The following ZNF710 variants were observed in gnomAD, a reference collection of about 807,000 sequenced individuals.
The protein encoded by ZNF710 is zinc finger protein 710.
In ZNF710, 13 loss-of-function variants were observed where a neutral mutation model predicts 50.6. The observed-to-expected ratio is 0.26, with a 90% CI of 0.17 to 0.41. The LOEUF is 0.41. Ranked by LOEUF, ZNF710 falls within the 10% of genes least tolerant of loss-of-function variation. The pLI is 1.00. For missense variants in ZNF710, 721 were observed against 936.6 expected, an observed-to-expected ratio of 0.77 and a Z score of 3.01; for synonymous variants, 383 against 397.0, an observed-to-expected ratio of 0.96 and a Z score of 0.42.
At position 90,070,983 on chromosome 15, in the gene ZNF710, C is replaced by A. The variant is rs528883143; in HGVS notation, c.1459-2088C>A. ...GGACTTAAAAATCCCAAGTCCAGGG[C>A]CTGGCACAGTGGCTCACGCCTGTAA... On this transcript the variant is annotated intron_variant, in intron 2 of 4. Transcript: ENST00000268154. Among the ~76,000 whole-genome samples the A allele has an allele frequency of 2.0e-3, 305 of 152,284 alleles. 3 individuals carry two copies. Among genetic ancestry groups the A allele is most frequent in the Non-Finnish European group, 3.6e-3 (242 of 68,026 alleles).
rs142227389 is a variant in ZNF710, at chr15:90,020,378, C to T, written c.-29+18764C>T. On this transcript the variant is annotated intron_variant, in intron 1 of 4. Coordinates refer to ENST00000268154, the MANE Select transcript of ZNF710 (RefSeq NM_198526.4). ...GCTCTGCTACCAACGCCCCTGCACC[C>T]TTCCGTCCAGGCAGGGCTGTCCCAG... 5.7e-4 allele frequency among the ~76,000 whole-genome samples: 87 copies of T among 152,332 alleles called. No individual in the cohort carries two copies. In the East Asian group the frequency reaches 0.016, roughly 29 times the overall value.
chr15:90,006,642 A>G (rs886367340), intron 1 of ZNF710: 9 of 153,024 alleles, frequency 5.9e-5, no homozygotes, highest in African/African-American at 2.2e-4. Flanking sequence ...AAGAAAGGAC[A>G]TTTAAATAGC....
intron 1 of ZNF710, among the ~76,000 whole-genome samples, chr15:90,008,743 T>G (rs900939651): frequency 6.6e-6 from 1 of 151,244 alleles, no homozygotes. Flanking sequence ...ATGGCCTCAG[T>G]GTACTCCAGC....
chr15:90,015,932 T>C (rs999258279), intron 1 of ZNF710, among the ~76,000 whole-genome samples: 1 of 152,110 alleles, frequency 6.6e-6, no homozygotes, highest in African/African-American at 2.4e-5. Context: ...TTCTGTGCAG[T>C]TGTAATAAAG....
chr15:90,082,070 T>C lies in ZNF710; in HGVS notation c.*2241T>C, dbSNP rs1458942355. ...GGACAAATTCCATTCTAACTTATTT[T>C]GACATGTATACAAACCAACTGTTTA... On this transcript the variant is annotated 3_prime_UTR_variant, in exon 5 of 5. Transcript: ENST00000268154. 4.6e-5 allele frequency: 7 copies of C among 152,272 alleles called. No homozygotes were observed. The highest frequency in any genetic ancestry group is 2.6e-4 in the Admixed American group (4 of 15,288). The allele number at this position is 152,272 out of a possible 1,614,324, so 9.4% of individuals were successfully genotyped here.
chr15:90,050,335 G>C (rs1899600187), intron 1 of ZNF710, among the ~76,000 whole-genome samples: 1 of 152,172 alleles, frequency 6.6e-6, no homozygotes, highest in African/African-American at 2.4e-5. Flanking sequence ...TTGTGCCCAG[G>C]CCATACTCTT....
intron 1 of ZNF710, among the ~76,000 whole-genome samples, chr15:90,026,285 A>C (rs994211381): frequency 1.5e-5 from 2 of 137,028 alleles, no homozygotes; most frequent in Admixed American, 7.1e-5. Flanking sequence ...AAAAAAAGGG[A>C]ATGAGAAAGG....
intron 1 of ZNF710, among the ~76,000 whole-genome samples, chr15:90,039,533 G>A (rs372978177): frequency 3.3e-5 from 5 of 152,140 alleles, no homozygotes; most frequent in East Asian, 1.9e-4. Flanking sequence ...GATCCAATAC[G>A]TGCTTGGCTG....
intron 1 of ZNF710, among the ~76,000 whole-genome samples, chr15:90,050,287 G>A (rs12909164): frequency 0.2 from 30,692 of 152,206 alleles, 3,779 homozygotes; most frequent in East Asian, 0.61. Flanking sequence ...TGGAGGCCCA[G>A]GGAGGAGTCA....
chr15:90,037,363 C>G (rs868723484), intron 1 of ZNF710, among the ~76,000 whole-genome samples: 2 of 152,170 alleles, frequency 1.3e-5, no homozygotes, highest in African/African-American at 4.8e-5. Context: ...GGAGGGCTTT[C>G]GAAAGTGTCA....
Position 90,049,364 on chromosome 15 carries a change from C to T in ZNF710, c.-28-17746C>T, listed in dbSNP as rs145198847. 8.5e-3 allele frequency among the ~76,000 whole-genome samples: 1,296 copies of T among 152,286 alleles called. 19 individuals are homozygous for T. The highest frequency in any genetic ancestry group is 0.03 in the African/African-American group (1,245 of 41,542). On this transcript the variant is annotated intron_variant, in intron 1 of 4. Coordinates refer to ENST00000268154, the MANE Select transcript of ZNF710 (RefSeq NM_198526.4). ...CCCCACCCTACCTCCATGGCCTGGC[C>T]GGAGGGGCCTCAACCCCACAGTCAG... is the stretch of plus-strand genomic sequence containing the variant.
At chr15:90,021,016 C>CG (rs968013988) in intron 1 of ZNF710, among the ~76,000 whole-genome samples, 1 of 106,218 alleles carries the variant, frequency 9.4e-6, no homozygotes, top group Non-Finnish European at 2.3e-5. Flanking sequence ...GGCACCCCCC[C>CG]CCCCTTAGCA....
chr15:90,067,102 A>G lies in ZNF710; in HGVS notation c.-28-8A>G. ...CAGCAATATTAACCTTCCCTTCTCC[A>G]CCCACAGCGATGCCCTCCTAGCTAG... On this transcript the variant is annotated splice_region_variant and splice_polypyrimidine_tract_variant and intron_variant, in intron 1 of 4. Coordinates refer to ENST00000268154, the MANE Select transcript of ZNF710 (RefSeq NM_198526.4). The surrounding 1 kb of genome is among the most constrained non-coding windows in gnomAD (Gnocchi z 8.1). 1 of 1,553,738 alleles carries G rather than the reference A, an allele frequency of 6.4e-7. No individual in the cohort carries two copies. The highest frequency in any genetic ancestry group is 8.7e-7 in the Non-Finnish European group (1 of 1,148,960).
intron 1 of ZNF710, among the ~76,000 whole-genome samples, chr15:90,023,403 C>G (rs4932273): frequency 0.16 from 23,884 of 152,254 alleles, 2,489 homozygotes; most frequent in Middle Eastern, 0.3. Flanking sequence ...TTGGGTAGCA[C>G]TCTTCCAAAG....
intron 1 of ZNF710, among the ~76,000 whole-genome samples, chr15:90,039,743 G>A (rs984629344): frequency 1.3e-5 from 2 of 152,094 alleles, no homozygotes; most frequent in Admixed American, 6.6e-5. Flanking sequence ...CTCCAGCAGC[G>A]AGTGGCACCT....
chr15:90,038,707 C>CTGTGTGTGTG (rs144152063), intron 1 of ZNF710, among the ~76,000 whole-genome samples: 1,837 of 143,630 alleles, frequency 0.013, 25 homozygotes, highest in East Asian at 0.062. Flanking sequence ...CCTCCCTGCT[C>CTGTGTGTGTG]TGTGTGTGTG....
intron 1 of ZNF710, among the ~76,000 whole-genome samples, chr15:90,014,512 T>TAA (rs61272254): frequency 1.5e-4 from 19 of 123,900 alleles, no homozygotes; most frequent in South Asian, 2.6e-4. Context: ...CCCTATCTCT[T>TAA]AAAAAAAAAA....
rs371190343 is a variant in ZNF710, at chr15:90,041,547, A to G, written c.-28-25563A>G. Among the ~76,000 whole-genome samples, 7 of 152,164 alleles carry G rather than the reference A, an allele frequency of 4.6e-5. No individual in the cohort carries two copies. In the South Asian group the frequency reaches 1.2e-3, roughly 27 times the overall value. On this transcript the variant is annotated intron_variant, in intron 1 of 4. Coordinates refer to ENST00000268154, the MANE Select transcript of ZNF710 (RefSeq NM_198526.4). ...GCAAATGAAAATTTTGTTCACTTTA[A>G]TATATTAAAATAACTCCATGCCACC...
intron 1 of ZNF710, among the ~76,000 whole-genome samples, chr15:90,002,858 G>A (rs62020559): frequency 0.26 from 39,948 of 152,068 alleles, 6,715 homozygotes; most frequent in Non-Finnish European, 0.37. Flanking sequence ...AGGGCAAGGC[G>A]TAGCAGTATC....
Sources: gnomAD v4.1 joint callset for allele counts (sites outside exome capture counted in the v4.1 genomes callset) on GRCh38, gnomAD v4.1.1 for gene constraint, Gnocchi (gnomAD v3.1) non-coding constraint, MANE v1.5 for transcripts, NCBI Gene and HGNC (gene_info 2026-07-23, HGNC 2026-07-21) for gene names.